Variants in ADAMTS19 observed in about 807,000 individuals in gnomAD.
The protein encoded by ADAMTS19 is ADAM metallopeptidase with thrombospondin type 1 motif 19.
Under a neutral mutation model 153.3 loss-of-function variants are expected in ADAMTS19, and 93 were observed. The observed-to-expected ratio is 0.61, with a 90% confidence interval of 0.51 to 0.72. ADAMTS19 has a LOEUF of 0.72. ADAMTS19 is among the 30% of genes least tolerant of loss of function. ADAMTS19 has a pLI of 0.00. For missense variants in ADAMTS19, 1,482 were observed against 1,552.1 expected (o/e 0.95, Z 0.76); for synonymous variants, 600 against 556.6 (o/e 1.08, Z -1.10).
intron 21 of ADAMTS19, among the ~76,000 whole-genome samples, chr5:129,706,659 AG>A (rs1220636281): frequency 6.6e-6 from 1 of 152,182 alleles, no homozygotes; most frequent in Non-Finnish European, 1.5e-5. Flanking sequence ...AAAACCCAAA[AG>A]ATTCAAGTTT....
chr5:129,662,782 A>T (rs1753867565), intron 15 of ADAMTS19, among the ~76,000 whole-genome samples: 1 of 151,918 alleles, frequency 6.6e-6, no homozygotes, highest in African/African-American at 2.4e-5. Context: ...CATGTTTGAC[A>T]TACAGCTTTT....
At chr5:129,589,562 C>A (rs1235314362) in intron 7 of ADAMTS19, among the ~76,000 whole-genome samples, 1 of 151,956 alleles carries the variant, frequency 6.6e-6, no homozygotes, top group East Asian at 1.9e-4. Context: ...GTTTATTACA[C>A]CAATAATTGT....
intron 18 of ADAMTS19, among the ~76,000 whole-genome samples, chr5:129,691,742 G>T (rs1383932086): frequency 1.3e-5 from 2 of 152,092 alleles, no homozygotes; most frequent in Non-Finnish European, 2.9e-5. Flanking sequence ...TCATACTCAT[G>T]CACCTTCATA....
chr5:129,632,722 T>A lies in ADAMTS19; in HGVS notation c.1771-9137T>A, dbSNP rs148489616. ...CCATCTCAGAAACCTTCCTCTATCT[T>A]CTCTTCTCCATAGTTTAAGATGAGA... On this transcript the variant is annotated intron_variant, in intron 10 of 22. Transcript: ENST00000274487. 5.6e-3 allele frequency among the ~76,000 whole-genome samples: 859 copies of A among 152,154 alleles called. 34 individuals are homozygous for A. In the East Asian group the frequency reaches 0.092, roughly 16 times the overall value.
chr5:129,665,194 G>C (rs1194968129), intron 15 of ADAMTS19, among the ~76,000 whole-genome samples: 1 of 149,132 alleles, frequency 6.7e-6, no homozygotes, highest in African/African-American at 2.4e-5. Context: ...TTTCTAACCA[G>C]GCTGTTCCAC....
intron 3 of ADAMTS19, among the ~76,000 whole-genome samples, chr5:129,520,817 C>T (rs1751773664): frequency 6.6e-6 from 1 of 151,964 alleles, no homozygotes; most frequent in African/African-American, 2.4e-5. Context: ...ATGGTTTTCT[C>T]TTATCTGCTG....
chr5:129,576,521 C>T (rs1754106794), intron 7 of ADAMTS19, among the ~76,000 whole-genome samples: 2 of 151,702 alleles, frequency 1.3e-5, no homozygotes, highest in Admixed American at 6.6e-5. Context: ...CACTTAATTC[C>T]AAGAAAATCA....
At chr5:129,652,053 G>A (rs1753340373) in intron 13 of ADAMTS19, among the ~76,000 whole-genome samples, 1 of 152,024 alleles carries the variant, frequency 6.6e-6, no homozygotes, top group African/African-American at 2.4e-5. Context: ...AGTTGGATGG[G>A]CATGAATTTA....
At chr5:129,516,905 TC>T (rs1561546952) in intron 3 of ADAMTS19, among the ~76,000 whole-genome samples, 1 of 148,358 alleles carries the variant, frequency 6.7e-6, no homozygotes, top group Non-Finnish European at 1.5e-5. Context: ...TTTTTTTTTT[TC>T]GATGTAGGCA....
intron 2 of ADAMTS19, among the ~76,000 whole-genome samples, chr5:129,501,251 A>G (rs1052625142): frequency 6.6e-6 from 1 of 152,184 alleles, no homozygotes; most frequent in Non-Finnish European, 1.5e-5. Flanking sequence ...TATTCTACCA[A>G]GTCTGCCATG....
chr5:129,527,749 T>C lies in ADAMTS19; in HGVS notation c.1088T>C (p.Val363Ala), dbSNP rs1752065870. ...RRFILTILNMVFNLFQHKSLS... is the reference protein window; with the variant it reads ...RRFILTILNMAFNLFQHKSLS... ...ATTTTTATTTTTATTTGTTTTTAGG[T>C]ATTTAACCTTTTCCAACACAAGAGT... The change falls in exon 5 of 23, where the codon GTA (valine) becomes GCA (alanine). Residue 363 changes from valine to alanine, a missense_variant and splice_region_variant. Around this residue, in one of 2 missense-constraint regions of ADAMTS19, gnomAD observed 866 missense variants for 827.7 expected, o/e 1.05. Transcript: ENST00000274487. 3.2e-6 allele frequency: 5 copies of C among 1,540,288 alleles called. No individual in the cohort carries two copies. The Admixed American group carries it at 5.2e-5, about 16-fold the overall frequency.
At chr5:129,493,013 C>T (rs1750817152) in intron 2 of ADAMTS19, among the ~76,000 whole-genome samples, 1 of 152,070 alleles carries the variant, frequency 6.6e-6, no homozygotes, top group Admixed American at 6.5e-5. Flanking sequence ...ATATATTTTT[C>T]TGTAATACTT....
intron 2 of ADAMTS19, among the ~76,000 whole-genome samples, chr5:129,465,777 A>G (rs1057389842): frequency 1.3e-5 from 2 of 152,216 alleles, no homozygotes; most frequent in Admixed American, 1.3e-4. Flanking sequence ...GACTGACCTC[A>G]TATGTCTACT....
intron 7 of ADAMTS19, among the ~76,000 whole-genome samples, chr5:129,567,828 C>A (rs1022623916): frequency 4.6e-5 from 7 of 151,936 alleles, no homozygotes; most frequent in Non-Finnish European, 7.4e-5. Flanking sequence ...CTGAGCAACT[C>A]CACACAAGAA....
At chr5:129,696,774 G>C (rs753152703) in intron 19 of ADAMTS19, among the ~76,000 whole-genome samples, 25 of 152,178 alleles carry the variant, frequency 1.6e-4, no homozygotes, top group Non-Finnish European at 3.1e-4. Context: ...GCTATTGGTT[G>C]AGGGTTAAAT....
chr5:129,639,921 C>T (rs1752717977), intron 10 of ADAMTS19, among the ~76,000 whole-genome samples: 1 of 152,044 alleles, frequency 6.6e-6, no homozygotes, highest in Admixed American at 6.6e-5. Flanking sequence ...AATGTCTCCA[C>T]AAAAGTACAT....
intron 2 of ADAMTS19, among the ~76,000 whole-genome samples, chr5:129,487,632 T>G (rs541659666): frequency 6.6e-6 from 1 of 152,250 alleles, no homozygotes; most frequent in Admixed American, 6.5e-5. Context: ...CAACTGGATT[T>G]AGAGGTTTTG....
At chr5:129,708,848 T>C (rs570553360) in intron 21 of ADAMTS19, among the ~76,000 whole-genome samples, 1 of 152,126 alleles carries the variant, frequency 6.6e-6, no homozygotes, top group East Asian at 1.9e-4. Flanking sequence ...TGGACACATA[T>C]AAAGTTATGA....
intron 8 of ADAMTS19, among the ~76,000 whole-genome samples, chr5:129,614,118 C>A (rs1389202248): frequency 1.3e-5 from 2 of 152,152 alleles, no homozygotes; most frequent in Non-Finnish European, 2.9e-5. Context: ...CAAGGAGGAG[C>A]TGGTACCATT....
Sources: gnomAD v4.1 joint callset for allele counts (sites outside exome capture counted in the v4.1 genomes callset) on GRCh38, gnomAD v4.1.1 for gene constraint, gnomAD v4.1.1 regional missense constraint, MANE v1.5 for transcripts, NCBI Gene and HGNC (gene_info 2026-07-23, HGNC 2026-07-21) for gene names.